Variants in AFF2 observed in about 807,000 individuals in gnomAD.
AFF2 encodes the protein AF4/FMR2 family member 2.
AFF2 carries 14 observed loss-of-function variants against 76.9 expected under a neutral mutation model. That is an observed-to-expected ratio of 0.18 (90% CI 0.12 to 0.28). AFF2 has a LOEUF of 0.28. Ranked by LOEUF, AFF2 falls within the 10% of genes least tolerant of loss-of-function variation. The pLI is 1.00. For synonymous variants in AFF2, 398 were observed against 366.7 expected (o/e 1.09, Z -0.98); for missense variants, 868 against 1,001.1 (o/e 0.87, Z 1.79).
intron 3 of AFF2, among the ~76,000 whole-genome samples, chrX:148,683,738 G>C (rs953528600): frequency 7.2e-5 from 8 of 111,459 alleles, no homozygotes; most frequent in African/African-American, 2.6e-4. Context: ...CCTTTCTCTT[G>C]ACAAAACACC....
At chrX:148,655,152 C>T (rs782469711) in intron 2 of AFF2, among the ~76,000 whole-genome samples, 8 of 111,242 alleles carry the variant, frequency 7.2e-5, no homozygotes, top group Non-Finnish European at 1.1e-4. Flanking sequence ...TTTTGAAAGC[C>T]ATCTGTCTTG....
rs1399118099 is a variant in AFF2, at chrX:148,937,070, G to A, written c.1398-16510G>A. Among the ~76,000 whole-genome samples, 3 of 111,919 alleles carry A rather than the reference G, an allele frequency of 2.7e-5. 1 individual carries two copies. Among genetic ancestry groups the A allele is most frequent in the Non-Finnish European group, 5.6e-5 (3 of 53,195 alleles). The stretch of plus-strand genomic sequence containing the variant: ...TAGTCCTATGGGTCCTATGGGATAG[G>A]AGAGGAGACCACAGTTAAGAATAGT... On this transcript the variant is annotated intron_variant, in intron 9 of 20. Coordinates refer to ENST00000370460, the MANE Select transcript of AFF2 (RefSeq NM_002025.4).
In AFF2 at chrX:148,875,239, T is replaced by A. The variant is rs147887011; in HGVS notation, c.1263-10650T>A. On this transcript the variant is annotated intron_variant, in intron 7 of 20. Transcript: ENST00000370460. The stretch of plus-strand genomic sequence containing the variant: ...TCCTCATTTTGTTAAAACAATACTA[T>A]CAAATTTTCAATCAGGTTATAAAGC... Among the ~76,000 whole-genome samples, 292 of 112,213 alleles carry A rather than the reference T, an allele frequency of 2.6e-3. 2 individuals are homozygous for A. The highest frequency in any genetic ancestry group is 2.8e-3 in the Non-Finnish European group (151 of 53,225).
intron 1 of AFF2, among the ~76,000 whole-genome samples, chrX:148,601,036 G>A (rs1416632217): frequency 1.8e-5 from 2 of 112,146 alleles, no homozygotes; most frequent in African/African-American, 3.2e-5. Flanking sequence ...GATACTGTAG[G>A]GCCTGGAAGG....
At chrX:148,943,567 T>C (rs782052121) in intron 9 of AFF2, among the ~76,000 whole-genome samples, 107 of 112,192 alleles carry the variant, frequency 9.5e-4, no homozygotes, top group Non-Finnish European at 1.8e-3. Flanking sequence ...TTCTACCTTC[T>C]AGTGTTCTTG....
intron 3 of AFF2, among the ~76,000 whole-genome samples, chrX:148,720,783 A>G (rs1379792440): frequency 8.9e-6 from 1 of 112,355 alleles, no homozygotes; most frequent in African/African-American, 3.2e-5. Flanking sequence ...TTTAAGTGAC[A>G]CTTGCAATTT....
At chrX:148,544,926 T>G (rs1445706767) in intron 1 of AFF2, among the ~76,000 whole-genome samples, 2 of 112,369 alleles carry the variant, frequency 1.8e-5, no homozygotes, top group Non-Finnish European at 3.8e-5. Context: ...CTGCAGGAAT[T>G]ATTACTATGG....
At chrX:148,564,945 G>A (rs2053153088) in intron 1 of AFF2, among the ~76,000 whole-genome samples, 1 of 112,212 alleles carries the variant, frequency 8.9e-6, no homozygotes, top group Non-Finnish European at 1.9e-5. Flanking sequence ...GTCTTCCTCT[G>A]CATCAGAAGG....
chrX:148,557,027 G>C (rs967934678), intron 1 of AFF2, among the ~76,000 whole-genome samples: 1 of 112,105 alleles, frequency 8.9e-6, no homozygotes, highest in East Asian at 2.8e-4. Context: ...AGGCTGATAA[G>C]GTTGAATATA....
At chrX:148,724,641 C>T (rs2055133519) in intron 3 of AFF2, among the ~76,000 whole-genome samples, 1 of 111,506 alleles carries the variant, frequency 9.0e-6, no homozygotes, top group Non-Finnish European at 1.9e-5. Flanking sequence ...AATGGCTTGC[C>T]CAAGGCCACA....
chrX:148,833,384 C>G (rs1029119342), intron 4 of AFF2, among the ~76,000 whole-genome samples: 4 of 111,120 alleles, frequency 3.6e-5, no homozygotes, highest in Non-Finnish European at 7.5e-5. Context: ...AGACTGATCA[C>G]AAGGTCAGGA....
At chrX:148,698,797 G>GTTTTTTTTTTTTTT (rs142604433) in intron 3 of AFF2, among the ~76,000 whole-genome samples, 4 of 71,697 alleles carry the variant, frequency 5.6e-5, no homozygotes, top group Non-Finnish European at 8.1e-5. Context: ...GAGTTCTAGT[G>GTTTTTTTTTTTTTT]TTTTTTTTTT....
At position 148,997,515 on chromosome X, in the gene AFF2, C is replaced by T. The variant is rs941761625; in HGVS notation, c.*6183C>T. 1 of 112,121 alleles carries T rather than the reference C, an allele frequency of 8.9e-6. No individual in the cohort carries two copies. The highest frequency in any genetic ancestry group is 1.9e-5 in the Non-Finnish European group (1 of 53,260). 9.2% of individuals were successfully genotyped at this position (112,121 alleles called of 1,213,427 possible). ...TTCCATTTTCTCTCTGGGCCTGTAT[C>T]CATGGTTGAATGTTAGCCCTGGAGG... On this transcript the variant is annotated 3_prime_UTR_variant, in exon 21 of 21. Transcript: ENST00000370460.
chrX:148,656,055 A>G lies in AFF2; in HGVS notation c.180+3924A>G, dbSNP rs782025002. On this transcript the variant is annotated intron_variant, in intron 2 of 20. Transcript: ENST00000370460. ...GCCAACATGAACACTGATCTCTAGG[A>G]CCTATTATCCTTTCTTGGCAGAAAG... is the stretch of plus-strand genomic sequence containing the variant. Among the ~76,000 whole-genome samples the G allele has an allele frequency of 3.6e-5, 4 of 111,759 alleles. No individual in the cohort carries two copies. The East Asian group carries it at 1.1e-3, about 32-fold the overall frequency.
At chrX:148,752,624 A>T (rs1042453672) in intron 3 of AFF2, among the ~76,000 whole-genome samples, 3 of 111,998 alleles carry the variant, frequency 2.7e-5, no homozygotes, top group Non-Finnish European at 5.6e-5. Flanking sequence ...TTAAGTAGTG[A>T]TGTAAGAACA....
At chrX:148,583,366 A>AT (rs559048797) in intron 1 of AFF2, among the ~76,000 whole-genome samples, 1,152 of 111,349 alleles carry the variant, frequency 0.01, 12 homozygotes, top group Non-Finnish European at 0.016. Flanking sequence ...CCAAATGGTG[A>AT]TTTTTTTAAA....
intron 3 of AFF2, among the ~76,000 whole-genome samples, chrX:148,694,175 C>CGGGTGGGGGGGG (rs2054686383): frequency 1.4e-5 from 1 of 72,851 alleles, no homozygotes; most frequent in African/African-American, 5.7e-5. Context: ...GTTGTGGGGT[C>CGGGTGGGGGGGG]GGGGGGGGGG....
chrX:148,710,943 T>TA (rs1439866039), intron 3 of AFF2, among the ~76,000 whole-genome samples: 1 of 111,960 alleles, frequency 8.9e-6, no homozygotes, highest in Admixed American at 9.6e-5. Flanking sequence ...TTAATACTCT[T>TA]ACTGATCACC....
chrX:148,965,490 G>C lies in AFF2; in HGVS notation c.2914-1300G>C, dbSNP rs782673448. The stretch of plus-strand genomic sequence containing the variant: ...GGGAGTCTCTACCTTGCCAGTTTCA[G>C]TGCCACTAGCCCAGATACTACTGCA... On this transcript the variant is annotated intron_variant, in intron 13 of 20. Coordinates refer to ENST00000370460, the MANE Select transcript of AFF2 (RefSeq NM_002025.4). Among the ~76,000 whole-genome samples the C allele has an allele frequency of 7.1e-4, 79 of 111,873 alleles. 1 individual carries two copies. Among genetic ancestry groups the C allele is most frequent in the Non-Finnish European group, 8.3e-4 (44 of 53,160 alleles).
Sources: gnomAD v4.1 joint callset for allele counts (sites outside exome capture counted in the v4.1 genomes callset) on GRCh38, gnomAD v4.1.1 for gene constraint, MANE v1.5 for transcripts, NCBI Gene and HGNC (gene_info 2026-07-23, HGNC 2026-07-21) for gene names.